Variants in FABP7 observed in about 807,000 individuals in gnomAD.
FABP7 encodes fatty acid binding protein 7, also known as fatty acid-binding protein, brain.
Under a neutral mutation model 14.2 loss-of-function variants are expected in FABP7, and 13 were observed. The ratio of observed to expected loss-of-function variants is 0.91; its 90% CI spans 0.59 to 1.45. FABP7 has a LOEUF of 1.45. Among genes scored for constraint, FABP7 ranks in the 40% most tolerant of loss-of-function variants. The pLI is 0.00. For synonymous variants in FABP7, 49 were observed against 51.4 expected (o/e 0.95, Z 0.20); for missense variants, 149 against 157.6 (o/e 0.95, Z 0.29).
At chr6:122,769,425 C>T in the FABP7 span, among the ~76,000 whole-genome samples, 1 of 152,158 alleles carries the variant, frequency 6.6e-6, no homozygotes, top group Admixed American at 6.6e-5. Context: ...CTATTGTAAG[C>T]TCTGTTTCTA....
the FABP7 span, among the ~76,000 whole-genome samples, chr6:122,767,233 G>C: frequency 6.6e-6 from 1 of 151,852 alleles, no homozygotes; most frequent in Non-Finnish European, 1.5e-5. Context: ...ATTTTTTATG[G>C]ATGATAATAA....
chr6:122,769,687 C>A, the FABP7 span, among the ~76,000 whole-genome samples: 4 of 152,108 alleles, frequency 2.6e-5, no homozygotes, highest in South Asian at 6.2e-4. Context: ...AGAAAACTTA[C>A]GAAATGCTGG....
chr6:122,750,616 T>C, the FABP7 span, among the ~76,000 whole-genome samples: 2 of 152,166 alleles, frequency 1.3e-5, no homozygotes, highest in Non-Finnish European at 2.9e-5. Context: ...TTTGGCAAGG[T>C]AGGGAGATAA....
chr6:122,781,024 C>T (rs1459918594), intron 2 of FABP7, 69 bp from the exon 3 acceptor site: 20 of 1,509,398 alleles, frequency 1.3e-5, no homozygotes, highest in Non-Finnish European at 1.5e-5. Flanking sequence ...TCAAAAATCA[C>T]ATCGTCTTCC....
At position 122,781,101 on chromosome 6, in the gene FABP7, T is replaced by G; in HGVS notation, c.255T>G (p.Val85=). The G allele has an allele frequency of 6.2e-7, 1 of 1,612,882 alleles. No individual in the cohort carries two copies. The highest frequency in any genetic ancestry group is 8.5e-7 in the Non-Finnish European group (1 of 1,179,058). Residue 85 remains valine (V), a synonymous_variant, in exon 3 of 4, where the codon GTT becomes GTG. Coordinates refer to ENST00000368444, the MANE Select transcript of FABP7 (RefSeq NM_001446.5). The part of the protein sequence containing the change: ...TADDRNCKSV[V]SLDGDKLVHI... ...TTTGTTGTTGGTCTCAGTCTGTTGTTAGCCTGGATGGAGACAAACTTGTTC... is the reference window on the plus strand; with the variant it reads ...TTTGTTGTTGGTCTCAGTCTGTTGTGAGCCTGGATGGAGACAAACTTGTTC...
the FABP7 span, among the ~76,000 whole-genome samples, chr6:122,763,624 T>G: frequency 1.3e-5 from 2 of 152,016 alleles, no homozygotes; most frequent in African/African-American, 4.8e-5. Context: ...GGGAGAAAAT[T>G]TTTGCAATCT....
intron 2 of FABP7, 135 bp from the exon 3 acceptor site, chr6:122,780,958 T>C (rs1780766359): frequency 1.9e-6 from 2 of 1,047,628 alleles, no homozygotes; most frequent in African/African-American, 3.2e-5. Flanking sequence ...CTAGAAGTAA[T>C]AGAAATAACA....
At chr6:122,757,475 C>G in the FABP7 span, among the ~76,000 whole-genome samples, 1 of 151,998 alleles carries the variant, frequency 6.6e-6, no homozygotes, top group Non-Finnish European at 1.5e-5. Flanking sequence ...ATGTCATGCC[C>G]TGTCCTCAGA....
At chr6:122,779,504 G>C, upstream of FABP7, 1 of 438,188 alleles carries the variant, frequency 2.3e-6, no homozygotes, top group Non-Finnish European at 4.2e-6. Flanking sequence ...GTAGTGTGAG[G>C]ATTGGGAGGA....
At chr6:122,754,208 C>G in the FABP7 span, among the ~76,000 whole-genome samples, 1 of 152,140 alleles carries the variant, frequency 6.6e-6, no homozygotes, top group African/African-American at 2.4e-5. Flanking sequence ...AGGAGTTCCA[C>G]AAAGTGGTTT....
upstream of FABP7, among the ~76,000 whole-genome samples, chr6:122,779,218 T>C (rs943108975): frequency 2.0e-5 from 3 of 152,182 alleles, no homozygotes; most frequent in South Asian, 2.1e-4. Flanking sequence ...TCCCTGTAAC[T>C]ATGAGAGAAA....
chr6:122,769,877 G>A, the FABP7 span, among the ~76,000 whole-genome samples: 1 of 151,978 alleles, frequency 6.6e-6, no homozygotes, highest in Non-Finnish European at 1.5e-5. Context: ...AAATAATGCC[G>A]CAATTTTATT....
the FABP7 span, among the ~76,000 whole-genome samples, chr6:122,767,273 G>A: frequency 1.5e-4 from 23 of 152,038 alleles, no homozygotes; most frequent in East Asian, 4.4e-3. Flanking sequence ...CATATATTAA[G>A]GGCCATAAAT....
chr6:122,777,345 TC>T (rs1330051233), upstream of FABP7, among the ~76,000 whole-genome samples: 1 of 151,926 alleles, frequency 6.6e-6, no homozygotes, highest in East Asian at 1.9e-4. Context: ...GGAAATAAAA[TC>T]CTAAGCACCC....
chr6:122,755,475 T>TC, the FABP7 span, among the ~76,000 whole-genome samples: 10 of 149,704 alleles, frequency 6.7e-5, no homozygotes, highest in East Asian at 2.0e-4. Context: ...TTTTTTTTTT[T>TC]TGAGACGGAG....
At chr6:122,749,674 G>T in the FABP7 span, among the ~76,000 whole-genome samples, 2 of 152,154 alleles carry the variant, frequency 1.3e-5, no homozygotes, top group Admixed American at 6.5e-5. Context: ...AAATGTTTGT[G>T]GGCAGTTTCC....
chr6:122,765,826 C>T, the FABP7 span, among the ~76,000 whole-genome samples: 1 of 151,880 alleles, frequency 6.6e-6, no homozygotes, highest in African/African-American at 2.4e-5. Context: ...ACTGATATGC[C>T]AAAGAGACTT....
chr6:122,771,835 T>C, the FABP7 span, among the ~76,000 whole-genome samples: 1 of 152,158 alleles, frequency 6.6e-6, no homozygotes, highest in African/African-American at 2.4e-5. Flanking sequence ...TGAACTATAG[T>C]CTAAATTCTT....
At chr6:122,775,652 G>A (rs570498532), upstream of FABP7, among the ~76,000 whole-genome samples, 6 of 151,332 alleles carry the variant, frequency 4.0e-5, no homozygotes, top group Admixed American at 4.0e-4. Flanking sequence ...AAGCAAAAAT[G>A]GACAAATAGG....
Sources: allele counts gnomAD v4.1 joint callset (sites outside exome capture counted in the v4.1 genomes callset), GRCh38; gene constraint gnomAD v4.1.1; transcripts MANE v1.5; gene names NCBI Gene and HGNC (gene_info 2026-07-23, HGNC 2026-07-21).